USH2A: variants seen among roughly 807,000 people sequenced by gnomAD.
The protein encoded by USH2A is Usher syndrome 2A (autosomal recessive, mild).
Under a neutral mutation model 538.9 loss-of-function variants are expected in USH2A, and 443 were observed. The observed-to-expected ratio is 0.82, with a 90% confidence interval of 0.76 to 0.89. USH2A has a LOEUF of 0.89. Ranked by LOEUF, USH2A falls within the 40% of genes least tolerant of loss-of-function variation. USH2A has a pLI of 0.00. For synonymous variants in USH2A, 2,413 were observed against 2,273.5 expected, an observed-to-expected ratio of 1.06 and a Z score of -1.75; for missense variants, 6,633 against 6,324.8, an observed-to-expected ratio of 1.05 and a Z score of -1.65.
chr1:216,149,601 C>G (rs533297371), intron 21 of USH2A, among the ~76,000 whole-genome samples: 1 of 152,092 alleles, frequency 6.6e-6, no homozygotes, highest in African/African-American at 2.4e-5. Context: ...TTTATATGGA[C>G]GCACTTTCTT....
intron 30 of USH2A, among the ~76,000 whole-genome samples, chr1:216,062,520 C>T (rs2031219145): frequency 6.6e-6 from 1 of 152,130 alleles, no homozygotes; most frequent in Non-Finnish European, 1.5e-5. Context: ...ACTATGAATT[C>T]ATTGAACACT....
chr1:216,041,007 C>G (rs997489720), intron 32 of USH2A, among the ~76,000 whole-genome samples: 1 of 151,834 alleles, frequency 6.6e-6, no homozygotes, highest in African/African-American at 2.4e-5. Context: ...TTATACTAAC[C>G]TACATCCTAT....
chr1:215,643,548 C>T lies in USH2A; in HGVS notation c.14792-2814G>A, dbSNP rs577767801. On this transcript the variant is annotated intron_variant, in intron 67 of 71. Transcript: ENST00000307340. ...ATCCTTTTTTTTTTTTTCTTAAAGA[C>T]CAAGTCTTGCTCTGTTGCCAAGGTT... Among the ~76,000 whole-genome samples, 6 of 148,790 alleles carry T rather than the reference C, an allele frequency of 4.0e-5. No individual in the cohort carries two copies. In the South Asian group the frequency reaches 1.3e-3, roughly 32 times the overall value.
intron 49 of USH2A, among the ~76,000 whole-genome samples, chr1:215,812,719 G>C (rs908398168): frequency 6.6e-6 from 1 of 152,118 alleles, no homozygotes; most frequent in Non-Finnish European, 1.5e-5. Context: ...AAAAAAGTTT[G>C]TATTCTCAAT....
chr1:216,085,601 G>C (rs540881011), intron 24 of USH2A, among the ~76,000 whole-genome samples: 17 of 152,122 alleles, frequency 1.1e-4, no homozygotes, highest in African/African-American at 3.4e-4. Context: ...AAGTAAAATT[G>C]GTTATTCATA....
chr1:215,884,981 G>A (rs1250438880), intron 41 of USH2A, among the ~76,000 whole-genome samples: 1 of 152,000 alleles, frequency 6.6e-6, no homozygotes, highest in Non-Finnish European at 1.5e-5. Context: ...GGGGCATCAA[G>A]GTTTACAGGC....
chr1:216,032,206 G>C (rs1226948824), intron 32 of USH2A, among the ~76,000 whole-genome samples: 1 of 151,532 alleles, frequency 6.6e-6, no homozygotes, highest in Non-Finnish European at 1.5e-5. Flanking sequence ...TTTTTTGCAT[G>C]CAGAGGATGT....
At chr1:216,399,131 C>T (rs984738863) in intron 3 of USH2A, among the ~76,000 whole-genome samples, 1 of 152,110 alleles carries the variant, frequency 6.6e-6, no homozygotes, top group African/African-American at 2.4e-5. Context: ...CATTACATTC[C>T]CCCCGGCTCT....
At chr1:216,388,948 C>A (rs191813907) in intron 3 of USH2A, among the ~76,000 whole-genome samples, 2 of 152,178 alleles carry the variant, frequency 1.3e-5, no homozygotes, top group East Asian at 3.9e-4. Flanking sequence ...CAATTTTAAC[C>A]TTATATGACA....
intron 3 of USH2A, among the ~76,000 whole-genome samples, chr1:216,381,023 A>G (rs910356253): frequency 6.6e-6 from 1 of 152,184 alleles, no homozygotes; most frequent in African/African-American, 2.4e-5. Context: ...ATCTAATAAA[A>G]TATGCCTATG....
chr1:216,240,649 A>T (rs1406738411), intron 13 of USH2A, among the ~76,000 whole-genome samples: 1 of 152,124 alleles, frequency 6.6e-6, no homozygotes, highest in Non-Finnish European at 1.5e-5. Flanking sequence ...ATCGTTCTTT[A>T]TGTTTAGACA....
In USH2A at chr1:216,097,087, G is replaced by A. The variant is rs1200628824; in HGVS notation, c.4754C>T (p.Pro1585Leu). 6.2e-7 allele frequency: 1 copy of A among 1,613,628 alleles called. No homozygotes were observed. The change falls in exon 22 of 72, where the codon CCT (proline) becomes CTT (leucine). Residue 1585 changes from proline to leucine, a missense_variant. By Grantham distance (98) the Pro-to-Leu change is moderately conservative. Transcript: ENST00000307340. ...AGTTTATGATTTCTCATTTACCTGA[G>A]GATCAAAAAGAAAATAAAGACGTCC... Reference protein sequence around the residue: ...KKGRLYFLFDPQGSPVEVTTT... With the variant: ...KKGRLYFLFDLQGSPVEVTTT...
chr1:216,063,188 G>A lies in USH2A; in HGVS notation c.6049+6913C>T, dbSNP rs146248240. Among the ~76,000 whole-genome samples the A allele has an allele frequency of 4.1e-3, 628 of 152,244 alleles. 3 individuals are homozygous for A. The highest frequency in any genetic ancestry group is 0.02 in the Middle Eastern group (6 of 294). On this transcript the variant is annotated intron_variant, in intron 30 of 71. Transcript: ENST00000307340. ...GATTTTTCTCTCTTTTGGTACCTTG[G>A]TTTCTCAACCAACTGGCAAAACAGC...
rs754191511 is a variant in USH2A, at chr1:215,998,893, C to T, written c.6651G>A (p.Lys2217=). ...YVLPGNKYLI[K]LGACTGGGCT... is the part of the protein sequence containing the mutation. ...GTGATGGAAATAAACTTACTCCCAG[C>T]TTGATGAGATATTTATTACCAGGTA... Residue 2217 remains lysine (K), a synonymous_variant, in exon 34 of 72, where the codon AAG becomes AAA. Transcript: ENST00000307340. The T allele has an allele frequency of 1.2e-6, 2 of 1,612,736 alleles. No individual in the cohort carries two copies. Among genetic ancestry groups the T allele is most frequent in the South Asian group, 2.2e-5 (2 of 91,046 alleles).
chr1:216,270,318 C>T (rs565350236), intron 11 of USH2A, among the ~76,000 whole-genome samples: 6 of 151,984 alleles, frequency 3.9e-5, no homozygotes, highest in African/African-American at 1.4e-4. Flanking sequence ...AAATCTGTCC[C>T]GGAAATTGAG....
intron 11 of USH2A, among the ~76,000 whole-genome samples, chr1:216,261,275 A>T (rs1482236905): frequency 2.6e-5 from 4 of 152,012 alleles, no homozygotes; most frequent in Non-Finnish European, 4.4e-5. Flanking sequence ...AAACAAAAAA[A>T]AGCCTAAAAG....
At chr1:215,735,857 T>C (rs1660141230) in intron 60 of USH2A, among the ~76,000 whole-genome samples, 1 of 152,216 alleles carries the variant, frequency 6.6e-6, no homozygotes, top group Non-Finnish European at 1.5e-5. Context: ...TTCTAAAACA[T>C]GGCTTTGGAC....
chr1:215,764,630 C>A (rs959186801), intron 56 of USH2A, among the ~76,000 whole-genome samples: 1 of 152,086 alleles, frequency 6.6e-6, no homozygotes, highest in Admixed American at 6.5e-5. Context: ...ATAAACACTT[C>A]TTTTAATTCT....
intron 19 of USH2A, among the ~76,000 whole-genome samples, chr1:216,193,398 T>C (rs533784295): frequency 3.9e-5 from 6 of 152,238 alleles, no homozygotes; most frequent in Admixed American, 1.3e-4. Context: ...AAATTATTTA[T>C]TGGCTCTTCT....
Sources: allele counts gnomAD v4.1 joint callset (sites outside exome capture counted in the v4.1 genomes callset), GRCh38; gene constraint gnomAD v4.1.1; transcripts MANE v1.5; gene names NCBI Gene and HGNC (gene_info 2026-07-23, HGNC 2026-07-21).